Variants in ILDR1 observed in about 807,000 individuals in gnomAD.
ILDR1 encodes the protein immunoglobulin-like domain-containing receptor 1.
In ILDR1, 56 loss-of-function variants were observed where a neutral mutation model predicts 62.4. The observed-to-expected ratio is 0.90, with a 90% CI of 0.72 to 1.12. The LOEUF (loss-of-function observed/expected upper bound fraction) is 1.12, where lower values mean the gene tolerates loss of function less well. Among genes scored for constraint, ILDR1 ranks in the 50% most tolerant of loss-of-function variants. The probability of loss-of-function intolerance (pLI) is 0.00; values close to 1 mark genes in which losing one functional copy is unlikely to be tolerated. For missense variants in ILDR1, 736 were observed against 710.6 expected (o/e 1.04, Z -0.41); for synonymous variants, 284 against 277.8 (o/e 1.02, Z -0.22).
At chr3:122,038,585 CA>C in the ILDR1 span, among the ~76,000 whole-genome samples, 2 of 151,876 alleles carry the variant, frequency 1.3e-5, no homozygotes. Context: ...TAACTTGCAA[CA>C]AAAAACTATA....
chr3:121,990,034 A>G (rs968002410), intron 7 of ILDR1, among the ~76,000 whole-genome samples: 1 of 152,208 alleles, frequency 6.6e-6, no homozygotes, highest in East Asian at 1.9e-4. Context: ...ATAGTGATAC[A>G]TCTTATCAAC....
At chr3:122,033,493 A>G in the ILDR1 span, among the ~76,000 whole-genome samples, 1 of 151,778 alleles carries the variant, frequency 6.6e-6, no homozygotes, top group East Asian at 1.9e-4. Flanking sequence ...TTTATTATTT[A>G]TTTTAATAAA....
At chr3:122,023,066 T>C (rs2071888353), upstream of ILDR1, among the ~76,000 whole-genome samples, 2 of 150,998 alleles carry the variant, frequency 1.3e-5, no homozygotes, top group African/African-American at 4.8e-5. Context: ...TTTAAAAAAA[T>C]CCTGCTGCAG....
At chr3:122,001,666 G>GTTTTTTTTT in intron 4 of ILDR1, 79 bp downstream of exon 4, 1 of 1,433,452 alleles carries the variant, frequency 7.0e-7, no homozygotes, top group African/African-American at 1.6e-5. Flanking sequence ...GCTTATTTCT[G>GTTTTTTTTT]GTTTTTTTTT....
chr3:122,043,187 G>T, the ILDR1 span, among the ~76,000 whole-genome samples: 1 of 140,826 alleles, frequency 7.1e-6, no homozygotes, highest in South Asian at 2.4e-4. Flanking sequence ...TTTCCCCATT[G>T]CTTGTTTTTC....
At chr3:121,994,459 G>C (rs2071408498) in intron 5 of ILDR1, 146 bp from the exon 6 acceptor site, 8 of 923,038 alleles carry the variant, frequency 8.7e-6, no homozygotes, top group Non-Finnish European at 1.2e-5. Flanking sequence ...AGGGTTAAGG[G>C]GGTAGTAAAT....
chr3:122,048,850 G>T, the ILDR1 span, among the ~76,000 whole-genome samples: 1 of 151,970 alleles, frequency 6.6e-6, no homozygotes, highest in Non-Finnish European at 1.5e-5. Context: ...TGCCCAGGCT[G>T]GTCTTGGACA....
chr3:122,032,342 A>G, the ILDR1 span, among the ~76,000 whole-genome samples: 2 of 152,236 alleles, frequency 1.3e-5, no homozygotes, highest in Non-Finnish European at 2.9e-5. Context: ...GTATTAGAAT[A>G]TACTGCAATG....
At chr3:122,040,735 A>C in the ILDR1 span, among the ~76,000 whole-genome samples, 17 of 122,366 alleles carry the variant, frequency 1.4e-4, no homozygotes, top group East Asian at 5.8e-4. Flanking sequence ...AAAAAAAAAA[A>C]AGAAAAAAAA....
the ILDR1 span, among the ~76,000 whole-genome samples, chr3:122,037,114 G>A: frequency 3.3e-5 from 5 of 152,386 alleles, no homozygotes; most frequent in South Asian, 2.1e-4. Flanking sequence ...AAAGGGTGGA[G>A]CCCTCATGGA....
chr3:122,029,533 T>TATATATATATATA, the ILDR1 span, among the ~76,000 whole-genome samples: 2 of 148,722 alleles, frequency 1.3e-5, no homozygotes, highest in African/African-American at 5.0e-5. Flanking sequence ...TATATATATA[T>TATATATATATATA]TTAGGGGAAT....
At chr3:122,043,957 A>C in the ILDR1 span, among the ~76,000 whole-genome samples, 1 of 50,140 alleles carries the variant, frequency 2.0e-5, no homozygotes, top group Non-Finnish European at 3.5e-5. Flanking sequence ...CACTATGTTG[A>C]ATAGGAGTGG....
rs773155662 is a variant in ILDR1, at chr3:121,993,183, A to C, written c.1566T>G (p.Asn522Lys). 2 of 1,611,782 alleles carry C rather than the reference A, an allele frequency of 1.2e-6. No individual in the cohort carries two copies. The highest frequency in any genetic ancestry group is 1.7e-6 in the Non-Finnish European group (2 of 1,179,052). ...YRSLDITPGK[N>K]SRKKGSVERR... Reference sequence around the variant, plus strand: ...TCTCCACACTCCCTTTTTTCCTGCTATTCTTGCCTGGAGTGATATCAAGTG... The same window carrying C: ...TCTCCACACTCCCTTTTTTCCTGCTCTTCTTGCCTGGAGTGATATCAAGTG... The change falls in exon 7 of 8, where the codon AAT becomes AAG. Residue 522 changes from asparagine to lysine, a missense_variant. Transcript: ENST00000344209.
chr3:122,036,871 G>C, the ILDR1 span, among the ~76,000 whole-genome samples: 3 of 152,200 alleles, frequency 2.0e-5, no homozygotes, highest in Non-Finnish European at 2.9e-5. Context: ...CCTCTGTGCA[G>C]CCTCAGGATA....
the ILDR1 span, among the ~76,000 whole-genome samples, chr3:122,036,000 G>A: frequency 6.6e-6 from 1 of 152,210 alleles, no homozygotes; most frequent in South Asian, 2.1e-4. Flanking sequence ...TGACCAAAAT[G>A]CTGATAGTGA....
At chr3:122,005,850 G>T (rs2107662731) in intron 2 of ILDR1, among the ~76,000 whole-genome samples, 1 of 152,096 alleles carries the variant, frequency 6.6e-6, no homozygotes, top group South Asian at 2.1e-4. Context: ...GATGAGTTGA[G>T]ATCACGCCAT....
At chr3:122,024,727 G>C (rs570672285), upstream of ILDR1, among the ~76,000 whole-genome samples, 21 of 152,196 alleles carry the variant, frequency 1.4e-4, no homozygotes, top group Non-Finnish European at 2.9e-4. Flanking sequence ...GGAAACCGAG[G>C]TACAAAGAGA....
chr3:122,033,486 ATTAT>A, the ILDR1 span, among the ~76,000 whole-genome samples: 1 of 151,754 alleles, frequency 6.6e-6, no homozygotes, highest in Non-Finnish European at 1.5e-5. Flanking sequence ...AGATATTTTT[ATTAT>A]TTATTTTAAT....
chr3:122,008,588 CTTTTCTTTT>C (rs982672955), intron 1 of ILDR1, among the ~76,000 whole-genome samples: 4 of 66,448 alleles, frequency 6.0e-5, no homozygotes, highest in African/African-American at 1.5e-4. Context: ...CTTTTCTTTT[CTTTTCTTTT>C]TTTTTTTTTT....
Sources: gnomAD v4.1 joint callset for allele counts (sites outside exome capture counted in the v4.1 genomes callset) on GRCh38, gnomAD v4.1.1 for gene constraint, MANE v1.5 for transcripts, NCBI Gene and HGNC (gene_info 2026-07-23, HGNC 2026-07-21) for gene names.